Variants in MAP7D2 observed in about 807,000 individuals in gnomAD.
MAP7D2 encodes the protein MAP7 domain-containing protein 2.
A neutral mutation model predicts 63.5 loss-of-function variants in MAP7D2; 33 were observed. The ratio of observed to expected loss-of-function variants is 0.52; its 90% confidence interval spans 0.39 to 0.70. The LOEUF is 0.70. MAP7D2 is among the 30% of genes least tolerant of loss of function. The pLI is 0.00. For synonymous variants in MAP7D2, 224 were observed against 223.7 expected, an observed-to-expected ratio of 1.00 and a Z score of -0.01; for missense variants, 626 against 604.0, an observed-to-expected ratio of 1.04 and a Z score of -0.38.
intron 7 of MAP7D2, among the ~76,000 whole-genome samples, chrX:20,043,507 G>A (rs1029806966): frequency 5.4e-5 from 6 of 111,026 alleles, no homozygotes; most frequent in Non-Finnish European, 1.1e-4. Context: ...CCCATGCAGT[G>A]AGGAACCGAG....
intron 8 of MAP7D2, among the ~76,000 whole-genome samples, chrX:20,029,515 T>C (rs893755253): frequency 8.9e-6 from 1 of 112,191 alleles, no homozygotes; most frequent in Non-Finnish European, 1.9e-5. Context: ...TTGCTTGTTT[T>C]AAGAGAATGG....
At chrX:20,068,346 G>A (rs1456424570) in intron 1 of MAP7D2, among the ~76,000 whole-genome samples, 1 of 112,297 alleles carries the variant, frequency 8.9e-6, no homozygotes, top group Admixed American at 9.4e-5. Flanking sequence ...CTCTCTGCAC[G>A]TCTAGCTGCT....
chrX:20,076,893 C>T (rs1019699861), intron 1 of MAP7D2, among the ~76,000 whole-genome samples: 8 of 112,442 alleles, frequency 7.1e-5, no homozygotes, highest in Non-Finnish European at 1.5e-4. Flanking sequence ...AAAATGCAGA[C>T]ATGTAAGATT....
intron 1 of MAP7D2, among the ~76,000 whole-genome samples, chrX:20,095,522 G>C (rs781350589): frequency 9.0e-6 from 1 of 111,277 alleles, no homozygotes; most frequent in Non-Finnish European, 1.9e-5. Context: ...CTGGGGAACA[G>C]AGCAAGACCC....
chrX:20,057,373 G>C (rs1306282081), intron 3 of MAP7D2, among the ~76,000 whole-genome samples: 1 of 110,633 alleles, frequency 9.0e-6, no homozygotes, highest in Non-Finnish European at 1.9e-5. Flanking sequence ...CAAGAGGCAA[G>C]AGTAAAGAAC....
At chrX:20,047,532 C>A (rs1722888003) in intron 6 of MAP7D2, among the ~76,000 whole-genome samples, 1 of 110,089 alleles carries the variant, frequency 9.1e-6, no homozygotes, top group African/African-American at 3.3e-5. Context: ...CTTTCTAAGG[C>A]CAGGTGCAGT....
chrX:20,069,812 G>A (rs2065454354), intron 1 of MAP7D2, among the ~76,000 whole-genome samples: 1 of 96,251 alleles, frequency 1.0e-5, no homozygotes, highest in Admixed American at 1.2e-4. Context: ...GTTTCACTCT[G>A]TCACCCAGGC....
chrX:20,017,967 T>A (rs964950032), intron 10 of MAP7D2, among the ~76,000 whole-genome samples: 2 of 54,123 alleles, frequency 3.7e-5, no homozygotes, highest in African/African-American at 2.5e-4. Flanking sequence ...TCCATTCTCT[T>A]TTTTTTTTTT....
chrX:20,097,608 G>A (rs2066305862), intron 1 of MAP7D2, among the ~76,000 whole-genome samples: 1 of 112,169 alleles, frequency 8.9e-6, no homozygotes, highest in African/African-American at 3.2e-5. Flanking sequence ...AATGCTACTG[G>A]CTGGACAGCC....
At chrX:20,083,740 T>C (rs1569127898) in intron 1 of MAP7D2, among the ~76,000 whole-genome samples, 1 of 111,988 alleles carries the variant, frequency 8.9e-6, no homozygotes, top group Non-Finnish European at 1.9e-5. Flanking sequence ...CCTTACATTC[T>C]AATACTGTGG....
Position 20,024,952 on chromosome X carries a change from T to G in MAP7D2, c.1411A>C (p.Arg471=). Residue 471 remains arginine (R), a splice_region_variant and synonymous_variant, in exon 10 of 17, where the codon AGG becomes CGG. Transcript: ENST00000379643. ...CCGAAATTCTGAGCACTAGCATACC[T>G]ATCTTGTTCTTCCTTCTCCAGTCGT... ...QERLEKEEQD[R]LEREELKRKA... The G allele has an allele frequency of 8.3e-7, 1 of 1,209,976 alleles. No individual in the cohort carries two copies. Among genetic ancestry groups the G allele is most frequent in the Non-Finnish European group, 1.1e-6 (1 of 894,672 alleles).
At chrX:20,059,045 A>G (rs1297402491) in intron 3 of MAP7D2, among the ~76,000 whole-genome samples, 2 of 112,000 alleles carry the variant, frequency 1.8e-5, no homozygotes, top group Non-Finnish European at 3.8e-5. Flanking sequence ...CCTGGGCTTC[A>G]GTTTCCTTGC....
chrX:20,094,505 T>TAC, intron 1 of MAP7D2, among the ~76,000 whole-genome samples: 1 of 20,486 alleles, frequency 4.9e-5, no homozygotes, highest in South Asian at 2.7e-3. Flanking sequence ...TATATATATA[T>TAC]ATATATATAT....
At chrX:20,050,670 A>G (rs2064922886) in intron 6 of MAP7D2, among the ~76,000 whole-genome samples, 154 bp downstream of exon 6, 1 of 112,997 alleles carries the variant, frequency 8.8e-6, no homozygotes, top group Non-Finnish European at 1.9e-5. Context: ...AACATAAAAC[A>G]GCAAAACACT....
intron 1 of MAP7D2, among the ~76,000 whole-genome samples, chrX:20,086,238 G>A (rs998189697): frequency 9.0e-6 from 1 of 111,449 alleles, no homozygotes; most frequent in African/African-American, 3.3e-5. Flanking sequence ...TCCATGTCCC[G>A]CACCCAATCC....
At chrX:20,023,253 T>C (rs1476794465) in intron 10 of MAP7D2, among the ~76,000 whole-genome samples, 1 of 112,570 alleles carries the variant, frequency 8.9e-6, no homozygotes, top group South Asian at 3.6e-4. Flanking sequence ...CAGAAAGCTG[T>C]TGTGTAAAAT....
Position 20,050,851 on chromosome X carries a change from TGA to T in MAP7D2, c.689_690del (p.Val230AspfsTer8). 8.4e-7 allele frequency: 1 copy of T among 1,194,324 alleles called. No individual in the cohort carries two copies. The highest frequency in any genetic ancestry group is 1.1e-6 in the Non-Finnish European group (1 of 886,978). On this transcript the variant is annotated frameshift_variant, in exon 6 of 17. Coordinates refer to ENST00000379643, the MANE Select transcript of MAP7D2 (RefSeq NM_001168465.2). LOFTEE classifies it high-confidence loss of function. ...GAATCATTGGCCTGCCCAGAGAGCA[TGA>T]CTGAAGCTCTGCTTCTGGCTAAAGA... ...QSSLARSRAS[V>X]MLSGQANDSV...
chrX:20,058,750 G>A (rs368808451), intron 3 of MAP7D2, among the ~76,000 whole-genome samples: 14 of 112,252 alleles, frequency 1.2e-4, no homozygotes, highest in African/African-American at 4.5e-4. Context: ...GAGAGATGAT[G>A]AGAAATAGAT....
intron 1 of MAP7D2, among the ~76,000 whole-genome samples, chrX:20,065,850 AT>A (rs1366799744): frequency 1.8e-5 from 2 of 111,996 alleles, no homozygotes; most frequent in African/African-American, 6.5e-5. Context: ...AGGATTACAA[AT>A]AATTTACTGC....
Sources: allele counts gnomAD v4.1 joint callset (sites outside exome capture counted in the v4.1 genomes callset), GRCh38; gene constraint gnomAD v4.1.1; transcripts MANE v1.5; gene names NCBI Gene and HGNC (gene_info 2026-07-23, HGNC 2026-07-21).